The following CHL1 variants were observed in gnomAD, a reference collection of about 807,000 sequenced individuals.
The protein encoded by CHL1 is cell adhesion molecule L1 like, also known as neural cell adhesion molecule L1-like protein.
A neutral mutation model predicts 141.9 loss-of-function variants in CHL1; 96 were observed. That is an observed-to-expected ratio of 0.68 (90% CI 0.57 to 0.80). The LOEUF is 0.80. Among genes scored for constraint, CHL1 ranks in the 30% least tolerant of loss-of-function variants. The probability of loss-of-function intolerance (pLI) is 0.00; values close to 1 mark genes in which losing one functional copy is unlikely to be tolerated. For synonymous variants in CHL1, 613 were observed against 502.2 expected (o/e 1.22, Z -2.95); for missense variants, 1,820 against 1,457.2 (o/e 1.25, Z -4.05).
intron 1 of CHL1, among the ~76,000 whole-genome samples, chr3:235,110 G>A (rs112272057): frequency 1.5e-3 from 223 of 151,732 alleles, no homozygotes; most frequent in African/African-American, 5.1e-3. Context: ...CCACTAACTC[G>A]TCATCTAGCA....
chr3:279,792 A>G (rs1367934514), intron 2 of CHL1, among the ~76,000 whole-genome samples: 1 of 152,216 alleles, frequency 6.6e-6, no homozygotes, highest in African/African-American at 2.4e-5. Context: ...TTGGAAGGGA[A>G]TCCGAAGTAG....
chr3:374,726 T>C (rs1335844668), intron 15 of CHL1, among the ~76,000 whole-genome samples: 1 of 152,200 alleles, frequency 6.6e-6, no homozygotes, highest in Non-Finnish European at 1.5e-5. Flanking sequence ...TAACTGCTGC[T>C]GGCTGGCCTT....
At chr3:281,269 C>T (rs1696626126) in intron 2 of CHL1, among the ~76,000 whole-genome samples, 1 of 152,148 alleles carries the variant, frequency 6.6e-6, no homozygotes, top group African/African-American at 2.4e-5. Flanking sequence ...TTCCTTCTTC[C>T]ACTACTACTC....
intron 2 of CHL1, among the ~76,000 whole-genome samples, chr3:297,727 T>A (rs1323686445): frequency 6.6e-6 from 1 of 152,216 alleles, no homozygotes; most frequent in African/African-American, 2.4e-5. Context: ...TTGTATCCCA[T>A]GGAGATGATC....
At chr3:363,693 C>A in intron 14 of CHL1, 1 of 189,684 alleles carries the variant, frequency 5.3e-6, no homozygotes, top group South Asian at 1.6e-4. Context: ...ATTTTATTTC[C>A]AAAGCTAACT....
intron 2 of CHL1, among the ~76,000 whole-genome samples, chr3:303,258 A>AT (rs1478028826): frequency 6.6e-6 from 1 of 151,882 alleles, no homozygotes; most frequent in Non-Finnish European, 1.5e-5. Context: ...GTTTAAAGTA[A>AT]TTTTTTTCCA....
At chr3:199,779 A>G (rs1367153267) in intron 1 of CHL1, among the ~76,000 whole-genome samples, 1 of 152,182 alleles carries the variant, frequency 6.6e-6, no homozygotes, top group Non-Finnish European at 1.5e-5. Flanking sequence ...ATCTTTGAAG[A>G]TAGGAGGTTA....
At position 343,049 on chromosome 3, in the gene CHL1, G is replaced by T. The variant is rs1318393307; in HGVS notation, c.727+18G>T. 2 of 1,597,036 alleles carry T rather than the reference G, an allele frequency of 1.3e-6. No homozygotes were observed. Among genetic ancestry groups the T allele is most frequent in the East Asian group, 2.3e-5 (1 of 44,336 alleles). On this transcript the variant is annotated intron_variant, in intron 8 of 27. Transcript: ENST00000256509. ...TTCCAAGGGTAAGTTGAACCCATGT[G>T]GAGTGTTGGCATTTGTGTATAGCTC...
chr3:270,254 T>G (rs1035453626), intron 2 of CHL1, among the ~76,000 whole-genome samples: 1 of 152,110 alleles, frequency 6.6e-6, no homozygotes. Flanking sequence ...TGTGGAAAAC[T>G]GTGTTTGAAG....
At chr3:339,339 A>C (rs770147062) in intron 5 of CHL1, among the ~76,000 whole-genome samples, 1 of 152,244 alleles carries the variant, frequency 6.6e-6, no homozygotes, top group Non-Finnish European at 1.5e-5. Context: ...ATGATGTTTT[A>C]TCTACAAGCT....
intron 2 of CHL1, among the ~76,000 whole-genome samples, chr3:257,490 A>G (rs994081937): frequency 6.6e-6 from 1 of 151,776 alleles, no homozygotes; most frequent in Non-Finnish European, 1.5e-5. Context: ...AGTAGCTGGG[A>G]TTACAGGTGC....
chr3:377,771 T>C (rs751078296), intron 15 of CHL1, 47 bp from the exon 16 acceptor site: 2 of 1,507,272 alleles, frequency 1.3e-6, no homozygotes, highest in Admixed American at 1.9e-5. Context: ...GTTTCTATCA[T>C]TTCTATTGTT....
At chr3:274,947 GTT>G (rs1695960063) in intron 2 of CHL1, among the ~76,000 whole-genome samples, 1 of 152,190 alleles carries the variant, frequency 6.6e-6, no homozygotes, top group Admixed American at 6.5e-5. Context: ...TACTATCAGT[GTT>G]TTTATGAGAC....
chr3:286,605 T>C lies in CHL1; in HGVS notation c.-94-33078T>C, dbSNP rs188937988. Among the ~76,000 whole-genome samples the C allele has an allele frequency of 8.1e-3, 918 of 113,008 alleles. 9 individuals carry two copies. Among genetic ancestry groups the C allele is most frequent in the African/African-American group, 0.037 (859 of 23,238 alleles). 74.1% of individuals were successfully genotyped at this position (113,008 alleles called of 152,430 possible). A position where few individuals can be genotyped will look rare whatever the true frequency, so the allele number is the denominator to read the frequency against. On this transcript the variant is annotated intron_variant, in intron 2 of 27. Coordinates refer to ENST00000256509, the MANE Select transcript of CHL1 (RefSeq NM_006614.4). Reference sequence around the variant, plus strand: ...CAGCCTGGGTGACAGAGTGAGACTTTGTCTCAAAAAAAAAAAAAAAAAATT... The same window carrying C: ...CAGCCTGGGTGACAGAGTGAGACTTCGTCTCAAAAAAAAAAAAAAAAAATT...
chr3:259,075 A>G (rs1014813873), intron 2 of CHL1, among the ~76,000 whole-genome samples: 4 of 151,362 alleles, frequency 2.6e-5, no homozygotes, highest in Non-Finnish European at 5.9e-5. Context: ...CTGGCATTAC[A>G]GGCACATGCC....
At chr3:238,685 G>T (rs1692230706) in intron 1 of CHL1, among the ~76,000 whole-genome samples, 1 of 151,998 alleles carries the variant, frequency 6.6e-6, no homozygotes, top group Non-Finnish European at 1.5e-5. Flanking sequence ...AGCACTTTGG[G>T]AGGCCGAGGT....
At chr3:229,564 G>A (rs545453081) in intron 1 of CHL1, among the ~76,000 whole-genome samples, 1 of 152,222 alleles carries the variant, frequency 6.6e-6, no homozygotes, top group South Asian at 2.1e-4. Flanking sequence ...ACGTAGCTTA[G>A]TATTTTCCAG....
intron 2 of CHL1, among the ~76,000 whole-genome samples, chr3:315,691 T>C (rs1054609981): frequency 2.6e-5 from 4 of 152,068 alleles, no homozygotes; most frequent in African/African-American, 9.7e-5. Context: ...AATCAGTGTA[T>C]TCTTAATTCT....
At chr3:205,168 T>G (rs559751306) in intron 1 of CHL1, among the ~76,000 whole-genome samples, 1 of 148,074 alleles carries the variant, frequency 6.8e-6, no homozygotes, top group Non-Finnish European at 1.5e-5. Flanking sequence ...TGGAGTACAG[T>G]GGTATGGTCA....
Sources: gnomAD v4.1 joint callset for allele counts (sites outside exome capture counted in the v4.1 genomes callset) on GRCh38, gnomAD v4.1.1 for gene constraint, MANE v1.5 for transcripts, NCBI Gene and HGNC (gene_info 2026-07-23, HGNC 2026-07-21) for gene names.